PACRGL: variants seen among roughly 807,000 people sequenced by gnomAD.
PACRGL encodes the protein parkin coregulated like.
Under a neutral mutation model 34.5 loss-of-function variants are expected in PACRGL, and 38 were observed. The observed-to-expected ratio is 1.10, with a 90% CI of 0.85 to 1.44. The LOEUF (loss-of-function observed/expected upper bound fraction) is 1.44, where lower values mean the gene tolerates loss of function less well. PACRGL is among the 40% of genes most tolerant of loss of function. The pLI is 0.00. For synonymous variants in PACRGL, 128 were observed against 100.1 expected, an observed-to-expected ratio of 1.28 and a Z score of -1.66; for missense variants, 305 against 281.4, an observed-to-expected ratio of 1.08 and a Z score of -0.60.
chr4:20,704,862 C>A, intron 3 of PACRGL, 48 bp downstream of exon 3: 1 of 1,588,222 alleles, frequency 6.3e-7, no homozygotes, highest in Non-Finnish European at 8.6e-7. Context: ...AAAGGCATTT[C>A]GCACAGTATT....
chr4:20,742,477 T>C (rs1751365226), intron 8 of PACRGL, among the ~76,000 whole-genome samples: 1 of 152,180 alleles, frequency 6.6e-6, no homozygotes, highest in Admixed American at 6.5e-5. Flanking sequence ...CACATGATTA[T>C]CTCAACAGAC....
chr4:20,713,070 GGC>G, intron 6 of PACRGL, 148 bp downstream of exon 6: 1 of 840,984 alleles, frequency 1.2e-6, no homozygotes, highest in South Asian at 2.9e-5. Flanking sequence ...TACAGAATTA[GGC>G]AACTGTTACT....
intron 8 of PACRGL, among the ~76,000 whole-genome samples, chr4:20,738,642 G>T (rs1401714528): frequency 1.3e-5 from 2 of 152,184 alleles, no homozygotes; most frequent in Non-Finnish European, 1.5e-5. Context: ...TGGCTACATA[G>T]GAACAGCTCC....
chr4:20,753,971 C>T (rs532110639), downstream of PACRGL, among the ~76,000 whole-genome samples: 63 of 152,242 alleles, frequency 4.1e-4, no homozygotes, highest in African/African-American at 1.4e-3. Flanking sequence ...GTGTAGACAA[C>T]ATAAGTGCAT....
upstream of PACRGL, among the ~76,000 whole-genome samples, chr4:20,698,782 A>G (rs950985098): frequency 1.1e-4 from 16 of 152,236 alleles, no homozygotes; most frequent in Admixed American, 7.2e-4. Flanking sequence ...AACACATAGC[A>G]TGAGACTTTT....
At chr4:20,747,299 T>C (rs1752595257) in intron 8 of PACRGL, among the ~76,000 whole-genome samples, 1 of 152,196 alleles carries the variant, frequency 6.6e-6, no homozygotes, top group African/African-American at 2.4e-5. Flanking sequence ...ACTAATAGTT[T>C]TTGCCTTACT....
downstream of PACRGL, among the ~76,000 whole-genome samples, chr4:20,735,729 G>T (rs1163960743): frequency 6.6e-6 from 1 of 151,976 alleles, no homozygotes; most frequent in African/African-American, 2.4e-5. Context: ...TAGAGATGGG[G>T]TTTCACCATG....
downstream of PACRGL, among the ~76,000 whole-genome samples, chr4:20,757,159 C>T (rs990921823): frequency 3.3e-5 from 5 of 152,110 alleles, no homozygotes; most frequent in African/African-American, 4.8e-5. Flanking sequence ...ATCACAAACT[C>T]CTCTCTTCAT....
intron 3 of PACRGL, among the ~76,000 whole-genome samples, chr4:20,706,872 C>T (rs1734728082): frequency 1.3e-5 from 2 of 152,086 alleles, no homozygotes; most frequent in Non-Finnish European, 1.5e-5. Flanking sequence ...CTGCGCCTGG[C>T]CAGATATGAA....
In PACRGL at chr4:20,732,167, G is replaced by T; in HGVS notation, c.*4826G>T. Reference sequence around the variant, plus strand: ...AAGCTGATAAAAAGAAAACCTAGCTGCTTATTTATTTCACGTGGAGGAACT... The same window carrying T: ...AAGCTGATAAAAAGAAAACCTAGCTTCTTATTTATTTCACGTGGAGGAACT... On this transcript the variant is annotated 3_prime_UTR_variant, in exon 9 of 9. Coordinates refer to ENST00000503585, the MANE Select transcript of PACRGL (RefSeq NM_001258345.3). The T allele has an allele frequency of 1.2e-6, 1 of 801,168 alleles. No individual in the cohort carries two copies. Among genetic ancestry groups the T allele is most frequent in the Non-Finnish European group, 2.0e-6 (1 of 490,928 alleles). The allele number at this position is 801,168 out of a possible 1,614,324, so 49.6% of individuals were successfully genotyped here.
rs1472069442 is a variant in PACRGL, at chr4:20,715,319, T to C, written c.609+1780T>C. Among the ~76,000 whole-genome samples, 6 of 152,156 alleles carry C rather than the reference T, an allele frequency of 3.9e-5. No individual in the cohort carries two copies. In the South Asian group the frequency reaches 1.0e-3, roughly 26 times the overall value. ...GGATAGCATTAGGAGATATACCTAATGCTAAATGACGAGTTAATGGGTGCA... is the reference window on the plus strand; with the variant it reads ...GGATAGCATTAGGAGATATACCTAACGCTAAATGACGAGTTAATGGGTGCA... On this transcript the variant is annotated intron_variant, in intron 7 of 8. Coordinates refer to ENST00000503585, the MANE Select transcript of PACRGL (RefSeq NM_001258345.3).
Position 20,730,504 on chromosome 4 carries a change from A to G in PACRGL, c.*3163A>G, listed in dbSNP as rs1343135260. Among the ~76,000 whole-genome samples the G allele has an allele frequency of 6.6e-6, 1 of 152,190 alleles. No individual in the cohort carries two copies. Among genetic ancestry groups the G allele is most frequent in the Non-Finnish European group, 1.5e-5 (1 of 68,040 alleles). ...ATGTAGATCACAGGCCAAATCACAC[A>G]GACTTTTATACAGGTACAAGGAAAA... On this transcript the variant is annotated 3_prime_UTR_variant, in exon 9 of 9. Transcript: ENST00000503585.
In PACRGL at chr4:20,728,972, AGTT is replaced by A. The variant is rs1012346224; in HGVS notation, c.*1636_*1638del. The A allele has an allele frequency of 5.3e-5, 8 of 152,256 alleles. No individual in the cohort carries two copies. Among genetic ancestry groups the A allele is most frequent in the Admixed American group, 5.2e-4 (8 of 15,268 alleles). The allele number at this position is 152,256 out of a possible 1,614,324, so 9.4% of individuals were successfully genotyped here. A position where few individuals can be genotyped will look rare whatever the true frequency, so the allele number is the denominator to read the frequency against. ...GCTAAATCATACTGTAATCTGGATT[AGTT>A]GTTGAGCACTTATTTTCTACTAAAT... On this transcript the variant is annotated 3_prime_UTR_variant, in exon 9 of 9. Coordinates refer to ENST00000503585, the MANE Select transcript of PACRGL (RefSeq NM_001258345.3).
intron 8 of PACRGL, among the ~76,000 whole-genome samples, chr4:20,751,019 T>C (rs1753521977): frequency 6.6e-6 from 1 of 152,172 alleles, no homozygotes; most frequent in South Asian, 2.1e-4. Flanking sequence ...CTCTCCTGGC[T>C]CTCAGGGCTC....
chr4:20,739,815 G>A (rs1361436002), intron 8 of PACRGL, among the ~76,000 whole-genome samples: 10 of 152,078 alleles, frequency 6.6e-5, no homozygotes, highest in Admixed American at 3.3e-4. Context: ...GAAGATGTTC[G>A]AACCCATCAC....
upstream of PACRGL, chr4:20,700,415 T>C (rs1031698000): frequency 2.6e-5 from 4 of 152,096 alleles, no homozygotes; most frequent in African/African-American, 9.7e-5. Context: ...CTGACGTCAT[T>C]GCGCGGCGCG....
rs750741611 is a variant in PACRGL, at chr4:20,731,163, G to A, written c.*3822G>A. Among the ~76,000 whole-genome samples the A allele has an allele frequency of 3.9e-5, 6 of 152,104 alleles. No individual in the cohort carries two copies. The highest frequency in any genetic ancestry group is 7.4e-5 in the Non-Finnish European group (5 of 68,018). ...GCAGTGGCACAATCATGGCTCAACA[G>A]GGATCAAGTGATCTTCCTGCCTCAG... On this transcript the variant is annotated 3_prime_UTR_variant, in exon 9 of 9. Coordinates refer to ENST00000503585, the MANE Select transcript of PACRGL (RefSeq NM_001258345.3).
At chr4:20,760,608 C>T in the PACRGL span, among the ~76,000 whole-genome samples, 1 of 152,096 alleles carries the variant, frequency 6.6e-6, no homozygotes, top group Non-Finnish European at 1.5e-5. Flanking sequence ...GGTTTTATCC[C>T]ATTTGTTAAT....
downstream of PACRGL, among the ~76,000 whole-genome samples, chr4:20,755,948 C>T (rs1464788699): frequency 2.0e-5 from 3 of 151,926 alleles, no homozygotes; most frequent in Non-Finnish European, 4.4e-5. Context: ...ACAGTAGCCA[C>T]CATTTGTAGG....
Sources: allele counts gnomAD v4.1 joint callset (sites outside exome capture counted in the v4.1 genomes callset), GRCh38; gene constraint gnomAD v4.1.1; transcripts MANE v1.5; gene names NCBI Gene and HGNC (gene_info 2026-07-23, HGNC 2026-07-21).